TRMT13: variants seen among roughly 807,000 people sequenced by gnomAD.
TRMT13 encodes tRNA:m(4)X modification enzyme TRM13 homolog.
TRMT13 carries 45 observed loss-of-function variants against 55.9 expected under a neutral mutation model. That is an observed-to-expected ratio of 0.80 (90% CI 0.63 to 1.03). The LOEUF (loss-of-function observed/expected upper bound fraction) is 1.03, where lower values mean the gene tolerates loss of function less well. Ranked by LOEUF, TRMT13 falls within the 50% of genes least tolerant of loss-of-function variation. The pLI, the probability that TRMT13 is intolerant of heterozygous loss-of-function variation, is 0.00. For missense variants in TRMT13, 513 were observed against 563.9 expected, an observed-to-expected ratio of 0.91 and a Z score of 0.91; for synonymous variants, 183 against 196.3, an observed-to-expected ratio of 0.93 and a Z score of 0.57.
Position 100,149,527 on chromosome 1 carries a change from T to G in TRMT13, c.*707T>G. On this transcript the variant is annotated 3_prime_UTR_variant, in exon 11 of 11. Coordinates refer to ENST00000370141, the MANE Select transcript of TRMT13 (RefSeq NM_019083.3). ...CCAAAAAGATACTTACAAACATAAT[T>G]CACAAATTTGAAATAATTTCTGAAG... 7.9e-7 allele frequency: 1 copy of G among 1,265,518 alleles called. No individual in the cohort carries two copies. The highest frequency in any genetic ancestry group is 1.5e-5 in the South Asian group (1 of 65,574). 78.4% of individuals were successfully genotyped at this position (1,265,518 alleles called of 1,614,324 possible). A position where few individuals can be genotyped will look rare whatever the true frequency, so the allele number is the denominator to read the frequency against.
rs765029893 is a variant in TRMT13 at position 100,133,191 on chromosome 1, C to A, written c.23C>A (p.Pro8Gln). 3 of 1,614,038 alleles carry A rather than the reference C, an allele frequency of 1.9e-6. No homozygotes were observed. The highest frequency in any genetic ancestry group is 2.7e-5 in the African/African-American group (2 of 74,916). Residue 8 changes from proline to glutamine, a missense_variant, in exon 1 of 11, where the codon CCG becomes CAG. Physicochemically the swap from Pro to Gln is moderately conservative, Grantham distance 76. Transcript: ENST00000370141. MATSATS[P>Q]HAPGFPAEGR... is the part of the protein sequence containing the mutation. ...ATTATGGCGACCTCCGCGACGTCGC[C>A]GCACGCGCCTGGTTTTCCAGCTGAG...
chr1:100,136,965 G>A (rs771979620), intron 2 of TRMT13, 37 bp downstream of exon 2: 4 of 1,596,686 alleles, frequency 2.5e-6, no homozygotes, highest in Admixed American at 3.5e-5. Flanking sequence ...TTTTTGTGCT[G>A]GAAACAGTAA....
intron 4 of TRMT13, 76 bp downstream of exon 4, chr1:100,139,787 T>A: frequency 2.1e-6 from 2 of 943,074 alleles, no homozygotes; most frequent in Non-Finnish European, 3.2e-6. Flanking sequence ...AGGCATGTTC[T>A]AATTTTTGTC....
intron 7 of TRMT13, 121 bp downstream of exon 7, chr1:100,141,140 G>T (rs1014324292): frequency 3.1e-6 from 3 of 964,208 alleles, no homozygotes; most frequent in Non-Finnish European, 4.4e-6. Context: ...TCTGTTTGTT[G>T]TAGCTTTTTA....
intron 9 of TRMT13, among the ~76,000 whole-genome samples, chr1:100,145,585 TA>T (rs1043129170): frequency 2.6e-5 from 4 of 152,190 alleles, no homozygotes; most frequent in Non-Finnish European, 4.4e-5. Context: ...CTTCTGTCCT[TA>T]AAATACTAAT....
intron 9 of TRMT13, among the ~76,000 whole-genome samples, chr1:100,145,730 G>A (rs1657165381): frequency 6.6e-6 from 1 of 152,116 alleles, no homozygotes; most frequent in South Asian, 2.1e-4. Context: ...AATTTGTTGG[G>A]CACGATAGCT....
chr1:100,138,339 G>C (rs572199141), intron 3 of TRMT13, among the ~76,000 whole-genome samples: 1 of 152,182 alleles, frequency 6.6e-6, no homozygotes, highest in Non-Finnish European at 1.5e-5. Flanking sequence ...TACAACGTAA[G>C]TTACCTGGAG....
At chr1:100,144,312 C>T (rs938132307) in intron 9 of TRMT13, 169 bp downstream of exon 9, 4 of 550,086 alleles carry the variant, frequency 7.3e-6, no homozygotes, top group African/African-American at 3.8e-5. Flanking sequence ...TCCTATTTAT[C>T]TGCTCATATT....
intron 6 of TRMT13, 110 bp downstream of exon 6, chr1:100,140,624 A>T: frequency 1.0e-6 from 1 of 954,188 alleles, no homozygotes; most frequent in Admixed American, 2.6e-5. Context: ...GAGGGTACCA[A>T]ATATTTCCAT....
At chr1:100,148,506 C>A in intron 10 of TRMT13, 119 bp from the exon 11 acceptor site, 1 of 1,068,082 alleles carries the variant, frequency 9.4e-7, no homozygotes, top group African/African-American at 1.6e-5. Context: ...AAGCATGGGA[C>A]AAAGTACTTA....
chr1:100,144,310 ATCTGC>A, intron 9 of TRMT13, 167 bp downstream of exon 9: 1 of 550,944 alleles, frequency 1.8e-6, no homozygotes, highest in East Asian at 3.0e-5. Flanking sequence ...TTTCCTATTT[ATCTGC>A]TCATATTGGC....
rs778227871 is a variant in TRMT13, at chr1:100,148,009, G to C, written c.933G>C (p.Leu311Phe). The part of the protein sequence containing the change: ...NDKTEKEIYT[L>F]AKEGNEKNVP... ...AAACAGAAAAAGAAATTTACACTTT[G>C]GCCAAGGAAGGAAATGAAAAAAATG... Residue 311 changes from leucine to phenylalanine, a missense_variant, in exon 10 of 11, where the codon TTG (leucine) becomes TTC (phenylalanine). Coordinates refer to ENST00000370141, the MANE Select transcript of TRMT13 (RefSeq NM_019083.3). 6.2e-7 allele frequency: 1 copy of C among 1,614,072 alleles called. No individual in the cohort carries two copies. Among genetic ancestry groups the C allele is most frequent in the Non-Finnish European group, 8.5e-7 (1 of 1,180,006 alleles).
At chr1:100,142,525 G>A (rs1050584329) in intron 7 of TRMT13, among the ~76,000 whole-genome samples, 2 of 152,070 alleles carry the variant, frequency 1.3e-5, no homozygotes, top group African/African-American at 2.4e-5. Context: ...AGTAATTCTC[G>A]GTAGGATTTT....
intron 3 of TRMT13, among the ~76,000 whole-genome samples, chr1:100,138,723 G>A (rs556354647): frequency 6.6e-6 from 1 of 152,082 alleles, no homozygotes; most frequent in African/African-American, 2.4e-5. Flanking sequence ...GATCCACACC[G>A]TTCAGTATGG....
At chr1:100,140,116 C>T in intron 4 of TRMT13, 66 bp from the exon 5 acceptor site, 1 of 1,034,058 alleles carries the variant, frequency 9.7e-7, no homozygotes, top group East Asian at 2.5e-5. Flanking sequence ...AACCTCTACT[C>T]AGTCTCTGTT....
intron 7 of TRMT13, chr1:100,142,932 A>T (rs186507321): frequency 1.9e-6 from 1 of 516,934 alleles, no homozygotes; most frequent in African/African-American, 2.0e-5. Flanking sequence ...TAAAGGAAAT[A>T]ATGTCTATGT....
At chr1:100,144,567 CA>C (rs199980985) in intron 9 of TRMT13, 312 of 139,194 alleles carry the variant, frequency 2.2e-3, no homozygotes, top group African/African-American at 4.6e-3. Flanking sequence ...AAATGTTAGA[CA>C]AAAAAAAAAA....
chr1:100,145,552 G>A (rs544184901), intron 9 of TRMT13, among the ~76,000 whole-genome samples: 1 of 152,074 alleles, frequency 6.6e-6, no homozygotes, highest in Admixed American at 6.5e-5. Flanking sequence ...CCATTCTTCT[G>A]TTTATTTCAC....
rs768714478 is a variant in TRMT13 at position 100,148,229 on chromosome 1, A to T, written c.1153A>T (p.Ser385Cys). The part of the protein sequence containing the change: ...MRKTSLETSN[S>C]TTKRQDNQND... ...GAAAACATCTTTGGAAACCTCAAATAGTACCACAAAGAGGCAAGATAATCA... is the reference window on the plus strand; with the variant it reads ...GAAAACATCTTTGGAAACCTCAAATTGTACCACAAAGAGGCAAGATAATCA... Residue 385 changes from serine to cysteine, a missense_variant, in exon 10 of 11, where the codon AGT (serine) becomes TGT (cysteine). Coordinates refer to ENST00000370141, the MANE Select transcript of TRMT13 (RefSeq NM_019083.3). The T allele has an allele frequency of 1.2e-6, 2 of 1,614,208 alleles. No individual in the cohort carries two copies. The highest frequency in any genetic ancestry group is 1.7e-6 in the Non-Finnish European group (2 of 1,180,016).
Sources: gnomAD v4.1 joint callset for allele counts (sites outside exome capture counted in the v4.1 genomes callset) on GRCh38, gnomAD v4.1.1 for gene constraint, MANE v1.5 for transcripts, NCBI Gene and HGNC (gene_info 2026-07-23, HGNC 2026-07-21) for gene names.